Variants in ARID5B observed in about 807,000 individuals in gnomAD.
ARID5B encodes AT-rich interaction domain 5B.
A neutral mutation model predicts 97.2 loss-of-function variants in ARID5B; 13 were observed. That is an observed-to-expected ratio of 0.13 (90% CI 0.09 to 0.21). The LOEUF (loss-of-function observed/expected upper bound fraction) is 0.21. Among genes scored for constraint, ARID5B ranks in the 10% least tolerant of loss-of-function variants. The pLI, the probability that ARID5B is intolerant of heterozygous loss-of-function variation, is 1.00. For synonymous variants in ARID5B, 556 were observed against 570.3 expected (o/e 0.97, Z 0.36); for missense variants, 1,210 against 1,465.3 (o/e 0.83, Z 2.84).
At chr10:62,045,190 G>C (rs1839690209) in intron 4 of ARID5B, among the ~76,000 whole-genome samples, 1 of 152,132 alleles carries the variant, frequency 6.6e-6, no homozygotes, top group Non-Finnish European at 1.5e-5. Context: ...TCTGTGAAAT[G>C]CCTTTCTTTC....
chr10:62,053,305 A>G (rs1284115371), intron 5 of ARID5B, among the ~76,000 whole-genome samples: 9 of 152,232 alleles, frequency 5.9e-5, no homozygotes, highest in Admixed American at 5.2e-4. Flanking sequence ...AGCTCCACAC[A>G]GCAAAGCTCT....
intron 3 of ARID5B, among the ~76,000 whole-genome samples, chr10:61,973,131 C>T (rs1466877265): frequency 6.6e-6 from 1 of 152,170 alleles, no homozygotes; most frequent in African/African-American, 2.4e-5. Context: ...CCTCTGAGGG[C>T]CTATATTTGT....
chr10:61,997,553 T>C (rs189001537), intron 3 of ARID5B, among the ~76,000 whole-genome samples: 27 of 152,280 alleles, frequency 1.8e-4, no homozygotes, highest in Admixed American at 1.2e-3. Context: ...CTTGGAGAAA[T>C]TGATGCACCT....
rs11403206 is a variant in ARID5B at position 61,943,470 on chromosome 10, G to GCC, written c.502+3070_502+3071dup. ...AAGATGAACTGTGAGATTATTTGAG[G>GCC]CCCCCCCCCTTTTTTTCTGGTGGAA... On this transcript the variant is annotated intron_variant, in intron 3 of 9. Coordinates refer to ENST00000279873, the MANE Select transcript of ARID5B (RefSeq NM_032199.3). Among the ~76,000 whole-genome samples, 945 of 148,438 alleles carry GCC rather than the reference G, an allele frequency of 6.4e-3. 4 individuals are homozygous for GCC. The highest frequency in any genetic ancestry group is 0.011 in the Admixed American group (168 of 14,992).
At position 62,093,073 on chromosome 10, in the gene ARID5B, G is replaced by C; in HGVS notation, c.*43G>C. 1 of 1,556,828 alleles carries C rather than the reference G, an allele frequency of 6.4e-7. No individual in the cohort carries two copies. The highest frequency in any genetic ancestry group is 2.2e-5 in the East Asian group (1 of 44,614). On this transcript the variant is annotated 3_prime_UTR_variant, in exon 10 of 10. Coordinates refer to ENST00000279873, the MANE Select transcript of ARID5B (RefSeq NM_032199.3). ...AGTCCAAAGCGGCATGGCCAACAGA[G>C]CTTCACTCCTTACCCAGGAGTGCTG...
intron 7 of ARID5B, among the ~76,000 whole-genome samples, chr10:62,064,804 C>G (rs1478628124): frequency 6.6e-6 from 1 of 152,118 alleles, no homozygotes; most frequent in Non-Finnish European, 1.5e-5. Context: ...CGGAGTCCCT[C>G]TCTGTGTTAC....
chr10:61,908,215 G>A (rs943071686), intron 2 of ARID5B, among the ~76,000 whole-genome samples: 2 of 152,268 alleles, frequency 1.3e-5, no homozygotes, highest in South Asian at 2.1e-4. Context: ...AAAACTACTC[G>A]TGAAGTTCTA....
rs16912980 is a variant in ARID5B at position 62,052,374 on chromosome 10, A to T, written c.846+1374A>T. 7.5e-3 allele frequency among the ~76,000 whole-genome samples: 1,145 copies of T among 152,324 alleles called. 17 individuals are homozygous for T. The highest frequency in any genetic ancestry group is 0.026 in the African/African-American group (1,097 of 41,564). ...CATTCCCTACTATGTAGTTTGCAAG[A>T]TCCTGCAGAATGGCGCAAGAAGGTT... On this transcript the variant is annotated intron_variant, in intron 5 of 9. Coordinates refer to ENST00000279873, the MANE Select transcript of ARID5B (RefSeq NM_032199.3).
intron 4 of ARID5B, among the ~76,000 whole-genome samples, chr10:62,014,701 G>A (rs766805781): frequency 6.6e-6 from 1 of 152,066 alleles, no homozygotes; most frequent in Non-Finnish European, 1.5e-5. Flanking sequence ...ATGGAATGTC[G>A]GACCGGTTTT....
At chr10:61,982,756 C>T (rs534866319) in intron 3 of ARID5B, among the ~76,000 whole-genome samples, 2 of 152,256 alleles carry the variant, frequency 1.3e-5, no homozygotes, top group East Asian at 3.9e-4. Flanking sequence ...TTTGGCTGGC[C>T]TTGGGAAATG....
In ARID5B at chr10:62,094,928, C is replaced by T. The variant is rs1020026779; in HGVS notation, c.*1898C>T. On this transcript the variant is annotated 3_prime_UTR_variant, in exon 10 of 10. Coordinates refer to ENST00000279873, the MANE Select transcript of ARID5B (RefSeq NM_032199.3). ...ATCAAAACTGATAACAATGAAACTGCGGCTCTTAAACAAAGCCATGCATGC... is the reference window on the plus strand; with the variant it reads ...ATCAAAACTGATAACAATGAAACTGTGGCTCTTAAACAAAGCCATGCATGC... 2.2e-5 allele frequency: 5 copies of T among 230,664 alleles called. No individual in the cohort carries two copies. Among genetic ancestry groups the T allele is most frequent in the Admixed American group, 5.7e-5 (1 of 17,698 alleles). The allele number at this position is 230,664 out of a possible 1,614,324, so 14.3% of individuals were successfully genotyped here. A position where few individuals can be genotyped will look rare whatever the true frequency, so the allele number is the denominator to read the frequency against.
At chr10:61,992,938 A>C (rs988109255) in intron 3 of ARID5B, among the ~76,000 whole-genome samples, 1 of 152,148 alleles carries the variant, frequency 6.6e-6, no homozygotes, top group East Asian at 1.9e-4. Flanking sequence ...TGCAATACTG[A>C]TGTGTAATTT....
At chr10:62,001,490 A>G (rs1214793425) in intron 4 of ARID5B, among the ~76,000 whole-genome samples, 2 of 152,104 alleles carry the variant, frequency 1.3e-5, no homozygotes, top group African/African-American at 4.8e-5. Flanking sequence ...GATTCAGGTT[A>G]CTCTGCTTAT....
chr10:62,004,200 C>T (rs148451586), intron 4 of ARID5B, among the ~76,000 whole-genome samples: 97 of 152,256 alleles, frequency 6.4e-4, no homozygotes, highest in African/African-American at 2.3e-3. Context: ...GTATTTTATT[C>T]AGGTCCCTTC....
chr10:61,948,349 C>T (rs915682540), intron 3 of ARID5B, among the ~76,000 whole-genome samples: 9 of 143,248 alleles, frequency 6.3e-5, no homozygotes, highest in African/African-American at 1.0e-4. Flanking sequence ...CTCACCATCA[C>T]GGTTACTTAT....
At chr10:61,947,230 C>T (rs1377869726) in intron 3 of ARID5B, among the ~76,000 whole-genome samples, 1 of 147,516 alleles carries the variant, frequency 6.8e-6, no homozygotes, top group African/African-American at 2.5e-5. Context: ...TTTAGAACAG[C>T]TTATTACCAG....
chr10:62,013,815 T>TATATATATATAC (rs915920250), intron 4 of ARID5B, among the ~76,000 whole-genome samples: 7 of 147,454 alleles, frequency 4.7e-5, no homozygotes, highest in South Asian at 4.4e-4. Flanking sequence ...TATATATATA[T>TATATATATATAC]ACCACATTTT....
rs2132989398 is a variant in ARID5B, at chr10:62,093,419, G to A, written c.*389G>A. ...TCAAAGGAAGGGGCAAGGAAGACTG[G>A]CAAACAGATGGCAAGGGATGCCCCT... On this transcript the variant is annotated 3_prime_UTR_variant, in exon 10 of 10. Transcript: ENST00000279873. 3.9e-6 allele frequency: 1 copy of A among 258,910 alleles called. No homozygotes were observed. The highest frequency in any genetic ancestry group is 7.4e-6 in the Non-Finnish European group (1 of 135,188). 16.0% of individuals were successfully genotyped at this position (258,910 alleles called of 1,614,324 possible). A position where few individuals can be genotyped will look rare whatever the true frequency, so the allele number is the denominator to read the frequency against.
intron 7 of ARID5B, among the ~76,000 whole-genome samples, chr10:62,067,559 G>C (rs1840010265): frequency 6.6e-6 from 1 of 152,266 alleles, no homozygotes; most frequent in Non-Finnish European, 1.5e-5. Flanking sequence ...AGCAGAAACA[G>C]TGATTCCCAC....
Sources: allele counts gnomAD v4.1 joint callset (sites outside exome capture counted in the v4.1 genomes callset), GRCh38; gene constraint gnomAD v4.1.1; transcripts MANE v1.5; gene names NCBI Gene and HGNC (gene_info 2026-07-23, HGNC 2026-07-21).